The following ADARB2 variants were observed in gnomAD, a reference collection of about 807,000 sequenced individuals.
The protein encoded by ADARB2 is adenosine deaminase RNA specific B2 (inactive), also known as inactive double-stranded RNA-specific editase B2.
ADARB2 carries 25 observed loss-of-function variants against 62.2 expected under a neutral mutation model. The ratio of observed to expected loss-of-function variants is 0.40; its 90% CI spans 0.29 to 0.56. The LOEUF is 0.56. Among genes scored for constraint, ADARB2 ranks in the 20% least tolerant of loss-of-function variants. The pLI is 0.43. For synonymous variants in ADARB2, 572 were observed against 500.8 expected, an observed-to-expected ratio of 1.14 and a Z score of -1.90; for missense variants, 1,071 against 1,077.4, an observed-to-expected ratio of 0.99 and a Z score of 0.08.
At chr10:1,681,737 T>C (rs537371434) in intron 1 of ADARB2, among the ~76,000 whole-genome samples, 2 of 152,322 alleles carry the variant, frequency 1.3e-5, no homozygotes, top group South Asian at 4.1e-4. Flanking sequence ...AGCAGCCCAG[T>C]CCAACTTCAC....
At chr10:1,243,796 C>T (rs1384883569) in intron 4 of ADARB2, among the ~76,000 whole-genome samples, 1 of 152,216 alleles carries the variant, frequency 6.6e-6, no homozygotes, top group Admixed American at 6.5e-5. Context: ...GCCTCCTGCC[C>T]ATGTCCACTG....
chr10:1,376,024 A>AC (rs1183157643), intron 2 of ADARB2, among the ~76,000 whole-genome samples: 5 of 151,298 alleles, frequency 3.3e-5, no homozygotes, highest in African/African-American at 4.9e-5. Context: ...GAACTCACAC[A>AC]CCCCACACAC....
rs1035691612 is a variant in ADARB2 at position 1,737,230 on chromosome 10, C to G, written c.-80G>C. ...CCTCCTTCCCGGCAGCCGCCGCCGC[C>G]GCTGCTGCGAAGCTTGAGGTTGCAA... On this transcript the variant is annotated 5_prime_UTR_variant, in exon 1 of 10. Transcript: ENST00000381312. The G allele has an allele frequency of 7.3e-7, 1 of 1,365,806 alleles. No homozygotes were observed. The highest frequency in any genetic ancestry group is 1.4e-5 in the African/African-American group (1 of 69,774). The allele number at this position is 1,365,806 out of a possible 1,614,324, so 84.6% of individuals were successfully genotyped here.
At chr10:1,598,607 C>T (rs367703291) in intron 1 of ADARB2, among the ~76,000 whole-genome samples, 2 of 152,172 alleles carry the variant, frequency 1.3e-5, no homozygotes, top group African/African-American at 4.8e-5. Context: ...GAGCTACACA[C>T]AATTCCGGAA....
chr10:1,459,838 G>T (rs571682291), intron 1 of ADARB2, among the ~76,000 whole-genome samples: 11 of 152,358 alleles, frequency 7.2e-5, no homozygotes, highest in African/African-American at 2.6e-4. Flanking sequence ...GGGTGGAGGC[G>T]GGAGGAGGGA....
chr10:1,275,105 T>C (rs17156141), intron 3 of ADARB2, among the ~76,000 whole-genome samples: 38,492 of 152,176 alleles, frequency 0.25, 6,102 homozygotes, highest in South Asian at 0.5. Context: ...GTGGGGTCAT[T>C]TGAGGAACAG....
chr10:1,295,922 G>A (rs115888411), intron 3 of ADARB2, among the ~76,000 whole-genome samples: 53 of 152,280 alleles, frequency 3.5e-4, no homozygotes, highest in African/African-American at 1.0e-3. Flanking sequence ...ATCCCCAAGC[G>A]CAACGGCTCA....
chr10:1,183,683 T>G (rs1836711071), intron 9 of ADARB2, among the ~76,000 whole-genome samples: 2 of 152,150 alleles, frequency 1.3e-5, no homozygotes, highest in African/African-American at 2.4e-5. Context: ...TAAAACAGCA[T>G]CACAGTGGGC....
intron 1 of ADARB2, 138 bp downstream of exon 1, chr10:1,736,913 C>T: frequency 1.2e-6 from 1 of 829,090 alleles, no homozygotes; most frequent in Non-Finnish European, 1.9e-6. Context: ...CCCGAGCGCC[C>T]TGCACGGAGC....
chr10:1,715,484 T>C (rs1421067633), intron 1 of ADARB2, among the ~76,000 whole-genome samples: 1 of 152,114 alleles, frequency 6.6e-6, no homozygotes, highest in Non-Finnish European at 1.5e-5. Flanking sequence ...TTTAAAAAAA[T>C]TGTAGATGAA....
intron 1 of ADARB2, among the ~76,000 whole-genome samples, chr10:1,578,336 T>A (rs967486326): frequency 6.6e-6 from 1 of 151,578 alleles, no homozygotes; most frequent in Non-Finnish European, 1.5e-5. Flanking sequence ...TTCTTATTTT[T>A]CTTTAATGAG....
At chr10:1,522,165 C>T (rs1482811850) in intron 1 of ADARB2, among the ~76,000 whole-genome samples, 2 of 152,114 alleles carry the variant, frequency 1.3e-5, no homozygotes, top group Admixed American at 1.3e-4. Context: ...TGAGACCCTG[C>T]CTTTGTGATA....
At chr10:1,599,431 C>T (rs1469418219) in intron 1 of ADARB2, among the ~76,000 whole-genome samples, 4 of 152,220 alleles carry the variant, frequency 2.6e-5, no homozygotes, top group African/African-American at 9.6e-5. Context: ...GCTGTGAATA[C>T]TGCCACTGTC....
intron 1 of ADARB2, among the ~76,000 whole-genome samples, chr10:1,736,141 T>C (rs1835297866): frequency 6.6e-6 from 1 of 152,166 alleles, no homozygotes; most frequent in Admixed American, 6.5e-5. Flanking sequence ...TCCTGCAGGC[T>C]CACTAGGAAC....
intron 1 of ADARB2, among the ~76,000 whole-genome samples, chr10:1,719,921 G>T (rs1835068901): frequency 6.6e-6 from 1 of 152,204 alleles, no homozygotes; most frequent in South Asian, 2.1e-4. Flanking sequence ...GGAAAAAAGA[G>T]AATGCTTATA....
intron 1 of ADARB2, among the ~76,000 whole-genome samples, chr10:1,484,183 T>A (rs1831514591): frequency 6.6e-6 from 1 of 152,246 alleles, no homozygotes; most frequent in Non-Finnish European, 1.5e-5. Flanking sequence ...CTATCTCTCT[T>A]CTGCAGACTT....
chr10:1,515,344 G>A (rs1831995142), intron 1 of ADARB2, among the ~76,000 whole-genome samples: 1 of 152,208 alleles, frequency 6.6e-6, no homozygotes, highest in South Asian at 2.1e-4. Flanking sequence ...CCCCTGAGCC[G>A]ACAGAGTCCA....
intron 3 of ADARB2, chr10:1,361,529 T>A (rs904870566): frequency 1.3e-5 from 2 of 152,012 alleles, no homozygotes; most frequent in African/African-American, 4.8e-5. Flanking sequence ...CACAAGTACT[T>A]GAAAATGAAT....
intron 1 of ADARB2, among the ~76,000 whole-genome samples, chr10:1,674,042 C>T (rs1240215360): frequency 6.6e-6 from 1 of 152,252 alleles, no homozygotes; most frequent in African/African-American, 2.4e-5. Context: ...AGAGGTTCTA[C>T]AGGAGAAGGT....
Sources: gnomAD v4.1 joint callset for allele counts (sites outside exome capture counted in the v4.1 genomes callset) on GRCh38, gnomAD v4.1.1 for gene constraint, MANE v1.5 for transcripts, NCBI Gene and HGNC (gene_info 2026-07-23, HGNC 2026-07-21) for gene names.